The following PLXNA4 variants were observed in gnomAD, a reference collection of about 807,000 sequenced individuals.
PLXNA4 encodes plexin A4, also known as plexin-A4.
In PLXNA4, 44 loss-of-function variants were observed where a neutral mutation model predicts 191.8. That is an observed-to-expected ratio of 0.23 (90% CI 0.18 to 0.29). The LOEUF is 0.29. PLXNA4 is among the 10% of genes least tolerant of loss of function. The probability of loss-of-function intolerance (pLI) is 1.00; values close to 1 mark genes in which losing one functional copy is unlikely to be tolerated. For synonymous variants in PLXNA4, 1,082 were observed against 1,009.5 expected (o/e 1.07, Z -1.36); for missense variants, 1,800 against 2,488.8 (o/e 0.72, Z 5.89).
intron 20 of PLXNA4, among the ~76,000 whole-genome samples, chr7:132,177,061 G>C (rs1389365147): frequency 6.6e-6 from 1 of 152,066 alleles, no homozygotes; most frequent in Non-Finnish European, 1.5e-5. Flanking sequence ...GTACGAATGT[G>C]AGTACATGAG....
chr7:132,401,920 A>G (rs930007036), intron 3 of PLXNA4, among the ~76,000 whole-genome samples: 3 of 152,144 alleles, frequency 2.0e-5, no homozygotes, highest in Non-Finnish European at 4.4e-5. Flanking sequence ...AAAGAGGGGG[A>G]GGCTGGAGAG....
At chr7:132,184,669 T>G (rs1744080764) in intron 16 of PLXNA4, among the ~76,000 whole-genome samples, 1 of 152,198 alleles carries the variant, frequency 6.6e-6, no homozygotes, top group South Asian at 2.1e-4. Context: ...CTAGGGCCTT[T>G]CTATACCAAC....
Position 132,430,007 on chromosome 7 carries a change from G to A in PLXNA4, c.1371+59285C>T, listed in dbSNP as rs1795199313. ...AATCCCTCCCCAGAAGAATATGGAA[G>A]AGGAATTGCGTCTCAATCTGCCCCT... On this transcript the variant is annotated intron_variant, in intron 3 of 31. Coordinates refer to ENST00000321063, the MANE Select transcript of PLXNA4 (RefSeq NM_020911.2). 3.3e-5 allele frequency among the ~76,000 whole-genome samples: 5 copies of A among 152,180 alleles called. No individual in the cohort carries two copies. The South Asian group carries it at 8.3e-4, about 25-fold the overall frequency.
intron 2 of PLXNA4, among the ~76,000 whole-genome samples, chr7:132,634,462 G>GCA (rs146537137): frequency 0.063 from 9,179 of 146,506 alleles, 689 homozygotes; most frequent in East Asian, 0.27. Flanking sequence ...CACTGCCCCA[G>GCA]CACACACACA....
chr7:132,228,587 A>C (rs1463675554), intron 5 of PLXNA4, 118 bp from the exon 6 acceptor site: 1 of 1,307,746 alleles, frequency 7.6e-7, no homozygotes, highest in Non-Finnish European at 1.0e-6. Flanking sequence ...CAATGCGCCC[A>C]GAGCTAACCT....
chr7:132,597,794 T>C (rs1802741571), intron 2 of PLXNA4, among the ~76,000 whole-genome samples: 1 of 152,010 alleles, frequency 6.6e-6, no homozygotes, highest in South Asian at 2.1e-4. Context: ...TTCTGTTCCT[T>C]ACTCTTTTCA....
intron 13 of PLXNA4, among the ~76,000 whole-genome samples, chr7:132,195,618 C>A (rs1463124838): frequency 6.6e-6 from 1 of 152,068 alleles, no homozygotes; most frequent in South Asian, 2.1e-4. Flanking sequence ...TAAGGTTTTT[C>A]CAATATAATG....
chr7:132,458,655 C>T (rs1796392519), intron 3 of PLXNA4, among the ~76,000 whole-genome samples: 1 of 151,664 alleles, frequency 6.6e-6, no homozygotes, highest in Non-Finnish European at 1.5e-5. Context: ...GTGGCTGTCC[C>T]TGGTGGGAGG....
At chr7:132,263,307 C>T (rs1799722647) in intron 4 of PLXNA4, among the ~76,000 whole-genome samples, 1 of 152,184 alleles carries the variant, frequency 6.6e-6, no homozygotes, top group African/African-American at 2.4e-5. Context: ...ATGCCATCCA[C>T]ACTCACCACC....
At chr7:132,186,252 G>A (rs1041588171) in intron 15 of PLXNA4, among the ~76,000 whole-genome samples, 3 of 152,208 alleles carry the variant, frequency 2.0e-5, no homozygotes, top group Non-Finnish European at 4.4e-5. Flanking sequence ...CTGCACAGTA[G>A]GACCAGGGGA....
At chr7:132,334,252 C>CTTTCTTTTTT (rs1554417000) in intron 3 of PLXNA4, among the ~76,000 whole-genome samples, 42 of 75,604 alleles carry the variant, frequency 5.6e-4, no homozygotes, top group African/African-American at 7.9e-4. Flanking sequence ...TTCTTTCTTT[C>CTTTCTTTTTT]TTTTTTTTTT....
At chr7:132,204,856 C>T (rs957465018) in intron 10 of PLXNA4, among the ~76,000 whole-genome samples, 2 of 152,214 alleles carry the variant, frequency 1.3e-5, no homozygotes, top group African/African-American at 4.8e-5. Context: ...TGAGAACAGA[C>T]TGTGACTTGA....
chr7:132,553,167 G>C (rs1053526421), intron 1 of PLXNA4, among the ~76,000 whole-genome samples: 1 of 152,208 alleles, frequency 6.6e-6, no homozygotes, highest in African/African-American at 2.4e-5. Context: ...CCTTGCAGAT[G>C]CGTCCTGAGA....
chr7:132,581,940 G>A (rs183582494), upstream of PLXNA4, among the ~76,000 whole-genome samples: 7 of 152,312 alleles, frequency 4.6e-5, no homozygotes. Context: ...CCAGAAGTTA[G>A]AGGATATTGT....
At chr7:132,253,232 CTTTTTTT>C (rs56010775) in intron 4 of PLXNA4, among the ~76,000 whole-genome samples, 9 of 134,448 alleles carry the variant, frequency 6.7e-5, no homozygotes, top group African/African-American at 8.2e-5. Flanking sequence ...TTTCTTTTTT[CTTTTTTT>C]TTTTTTTTTT....
intron 3 of PLXNA4, among the ~76,000 whole-genome samples, chr7:132,469,466 C>T (rs1796847656): frequency 6.6e-6 from 1 of 152,184 alleles, no homozygotes; most frequent in Non-Finnish European, 1.5e-5. Flanking sequence ...TTTCAGCAGA[C>T]CCAGCCTCAG....
chr7:132,144,442 T>C (rs1336757000), intron 29 of PLXNA4, among the ~76,000 whole-genome samples: 2 of 152,142 alleles, frequency 1.3e-5, no homozygotes, highest in Non-Finnish European at 2.9e-5. Context: ...AGAGTGTCAA[T>C]TAGTACTTGG....
intron 2 of PLXNA4, among the ~76,000 whole-genome samples, chr7:132,599,092 C>G (rs1034347150): frequency 6.6e-6 from 1 of 152,112 alleles, no homozygotes; most frequent in African/African-American, 2.4e-5. Context: ...TGACTCTGTT[C>G]CATTGATTTT....
At chr7:132,599,631 T>C (rs1184829899) in intron 2 of PLXNA4, among the ~76,000 whole-genome samples, 1 of 152,132 alleles carries the variant, frequency 6.6e-6, no homozygotes, top group East Asian at 1.9e-4. Flanking sequence ...ATCATATCAT[T>C]TGCAAACAAT....
Sources: gnomAD v4.1 joint callset for allele counts (sites outside exome capture counted in the v4.1 genomes callset) on GRCh38, gnomAD v4.1.1 for gene constraint, MANE v1.5 for transcripts, NCBI Gene and HGNC (gene_info 2026-07-23, HGNC 2026-07-21) for gene names.